CERT1: variants seen among roughly 807,000 people sequenced by gnomAD.
CERT1 encodes the protein ceramide transfer protein.
A neutral mutation model predicts 87.9 loss-of-function variants in CERT1; 31 were observed. The ratio of observed to expected loss-of-function variants is 0.35; its 90% CI spans 0.27 to 0.48. The LOEUF is 0.48. Ranked by LOEUF, CERT1 falls within the 20% of genes least tolerant of loss-of-function variation. CERT1 has a pLI of 0.99. For missense variants in CERT1, 487 were observed against 758.0 expected (o/e 0.64, Z 4.20); for synonymous variants, 289 against 250.9 (o/e 1.15, Z -1.44).
At chr5:75,423,621 G>A (rs1241658762) in intron 5 of CERT1, among the ~76,000 whole-genome samples, 1 of 152,118 alleles carries the variant, frequency 6.6e-6, no homozygotes, top group East Asian at 1.9e-4. Context: ...TATGCCTGTA[G>A]TCCTAGCCAG....
chr5:75,499,513 T>C (rs992039713), intron 2 of CERT1, among the ~76,000 whole-genome samples: 1 of 152,174 alleles, frequency 6.6e-6, no homozygotes, highest in African/African-American at 2.4e-5. Flanking sequence ...TCTGCCATGA[T>C]TGTAAGTTTC....
At chr5:75,394,232 G>C (rs149392307) in intron 11 of CERT1, among the ~76,000 whole-genome samples, 2 of 152,278 alleles carry the variant, frequency 1.3e-5, no homozygotes, top group East Asian at 1.9e-4. Flanking sequence ...TTTAAAACTT[G>C]GCTGAGGCCT....
intron 3 of CERT1, among the ~76,000 whole-genome samples, chr5:75,456,663 C>CAAAAAA (rs34320476): frequency 1.6e-4 from 11 of 69,394 alleles, no homozygotes; most frequent in Admixed American, 3.5e-4. Context: ...GACCTCATCT[C>CAAAAAA]AAAAAAAAAA....
chr5:75,484,668 T>C (rs1766423829), intron 2 of CERT1, among the ~76,000 whole-genome samples: 1 of 151,988 alleles, frequency 6.6e-6, no homozygotes, highest in South Asian at 2.1e-4. Context: ...ACAAAGGGGT[T>C]AATTCAGAAG....
At chr5:75,424,896 T>G (rs148552424) in intron 5 of CERT1, among the ~76,000 whole-genome samples, 2 of 152,116 alleles carry the variant, frequency 1.3e-5, no homozygotes, top group African/African-American at 4.8e-5. Context: ...GAAGATTGCT[T>G]GAGGCCAGGA....
intron 7 of CERT1, among the ~76,000 whole-genome samples, chr5:75,416,154 A>G (rs1763124774): frequency 6.6e-6 from 1 of 152,224 alleles, no homozygotes; most frequent in East Asian, 1.9e-4. Context: ...AAAAGAATAG[A>G]GAAAAATGCC....
At chr5:75,415,725 G>A (rs958125563) in intron 7 of CERT1, among the ~76,000 whole-genome samples, 22 of 151,972 alleles carry the variant, frequency 1.4e-4, no homozygotes, top group African/African-American at 5.3e-4. Flanking sequence ...TGAACCATTA[G>A]TCTAATGTAT....
chr5:75,373,718 C>T, downstream of CERT1: 1 of 182,622 alleles, frequency 5.5e-6, no homozygotes, highest in African/African-American at 2.3e-5. Context: ...TGACTGTAGG[C>T]CTGAAAAAAG....
chr5:75,386,536 A>C (rs539747934), intron 12 of CERT1, among the ~76,000 whole-genome samples: 15 of 152,254 alleles, frequency 9.9e-5, no homozygotes, highest in Non-Finnish European at 1.9e-4. Context: ...TGCTTTAAAT[A>C]CTGAGGTTAC....
At chr5:75,418,826 GGA>G (rs1260898916) in intron 6 of CERT1, among the ~76,000 whole-genome samples, 1 of 152,162 alleles carries the variant, frequency 6.6e-6, no homozygotes, top group Non-Finnish European at 1.5e-5. Context: ...CAGGAATGGG[GGA>G]GAGAGGAATG....
intron 2 of CERT1, among the ~76,000 whole-genome samples, chr5:75,497,142 C>A (rs975382975): frequency 6.6e-6 from 1 of 152,112 alleles, no homozygotes; most frequent in Admixed American, 6.6e-5. Context: ...AATTTCTGAA[C>A]AGAGTTGCAT....
chr5:75,384,635 T>G lies in CERT1; in HGVS notation c.1488+7A>C. 1 of 1,584,626 alleles carries G rather than the reference T, an allele frequency of 6.3e-7. No homozygotes were observed. The highest frequency in any genetic ancestry group is 8.7e-7 in the Non-Finnish European group (1 of 1,153,926). ...AATCCTTTTAGGATGAATGAAGAGA[T>G]CTTTACCTTGTGTGTTTGATAAATG... On this transcript the variant is annotated splice_region_variant and intron_variant, in intron 14 of 16. Transcript: ENST00000643780.
chr5:75,438,050 A>C (rs1358999493), intron 3 of CERT1, among the ~76,000 whole-genome samples: 2 of 152,180 alleles, frequency 1.3e-5, no homozygotes, highest in Non-Finnish European at 2.9e-5. Context: ...AATTTATTAC[A>C]CAAAATAGAG....
intron 2 of CERT1, among the ~76,000 whole-genome samples, chr5:75,464,359 G>GCCA (rs61097448): frequency 0.33 from 49,554 of 151,698 alleles, 9,298 homozygotes; most frequent in African/African-American, 0.53. Flanking sequence ...CTCACCTACC[G>GCCA]CATAGTAACA....
intron 9 of CERT1, chr5:75,401,394 T>C (rs1248747757): frequency 6.6e-6 from 1 of 152,192 alleles, no homozygotes; most frequent in African/African-American, 2.4e-5. Context: ...TTTCACAGAT[T>C]AGAAAACCAA....
intron 3 of CERT1, among the ~76,000 whole-genome samples, chr5:75,449,057 A>G (rs1339676111): frequency 6.6e-6 from 1 of 152,212 alleles, no homozygotes; most frequent in Non-Finnish European, 1.5e-5. Flanking sequence ...TTATACTTGT[A>G]TAACTGCCAA....
At chr5:75,452,383 C>T (rs1049103893) in intron 3 of CERT1, among the ~76,000 whole-genome samples, 1 of 152,150 alleles carries the variant, frequency 6.6e-6, no homozygotes, top group Non-Finnish European at 1.5e-5. Context: ...GAATGTTATA[C>T]GATTACCATA....
intron 8 of CERT1, among the ~76,000 whole-genome samples, chr5:75,410,027 ACTC>A (rs1293428320): frequency 6.7e-6 from 1 of 149,042 alleles, no homozygotes; most frequent in African/African-American, 2.5e-5. Flanking sequence ...TTGGTCTTGA[ACTC>A]CTGGCCTCAA....
intron 3 of CERT1, among the ~76,000 whole-genome samples, chr5:75,430,294 A>G (rs1420329110): frequency 6.6e-6 from 1 of 152,214 alleles, no homozygotes; most frequent in Non-Finnish European, 1.5e-5. Context: ...CAAATTACAC[A>G]TAATTTTAAG....
Sources: allele counts gnomAD v4.1 joint callset (sites outside exome capture counted in the v4.1 genomes callset), GRCh38; gene constraint gnomAD v4.1.1; transcripts MANE v1.5; gene names NCBI Gene and HGNC (gene_info 2026-07-23, HGNC 2026-07-21).